CYFIP2: variants seen among roughly 807,000 people sequenced by gnomAD.
The protein encoded by CYFIP2 is cytoplasmic FMR1 interacting protein 2, also known as cytoplasmic FMR1-interacting protein 2.
Under a neutral mutation model 158.7 loss-of-function variants are expected in CYFIP2, and 29 were observed. The ratio of observed to expected loss-of-function variants is 0.18; its 90% CI spans 0.14 to 0.25. The LOEUF (loss-of-function observed/expected upper bound fraction) is 0.25. CYFIP2 is among the 10% of genes least tolerant of loss of function. The probability of loss-of-function intolerance (pLI) is 1.00; values close to 1 mark genes in which losing one functional copy is unlikely to be tolerated. For missense variants in CYFIP2, 852 were observed against 1,639.5 expected, an observed-to-expected ratio of 0.52 and a Z score of 8.29; for synonymous variants, 585 against 617.6, an observed-to-expected ratio of 0.95 and a Z score of 0.78.
At chr5:157,310,903 C>T (rs1485521207) in intron 10 of CYFIP2, 1 of 433,724 alleles carries the variant, frequency 2.3e-6, no homozygotes, top group Non-Finnish European at 4.7e-6. Flanking sequence ...TGCTGGGTCA[C>T]CAGCACCTGA....
chr5:157,315,131 A>T (rs752622188), intron 13 of CYFIP2, 37 bp downstream of exon 13: 1 of 1,610,610 alleles, frequency 6.2e-7, no homozygotes, highest in East Asian at 2.2e-5. Context: ...TCCCTCCCCA[A>T]GGCTGCAGCT....
chr5:157,377,179 GC>G (rs1405018146), intron 26 of CYFIP2, among the ~76,000 whole-genome samples: 1 of 151,780 alleles, frequency 6.6e-6, no homozygotes, highest in Admixed American at 6.6e-5. Context: ...AGGTGAAACT[GC>G]AGCTTGGCCA....
chr5:157,361,697 G>A lies in CYFIP2; in HGVS notation c.3039+99G>A. 7.0e-7 allele frequency: 1 copy of A among 1,438,134 alleles called. No individual in the cohort carries two copies. The highest frequency in any genetic ancestry group is 9.5e-7 in the Non-Finnish European group (1 of 1,049,174). The allele number at this position is 1,438,134 out of a possible 1,614,324, so 89.1% of individuals were successfully genotyped here. A position where few individuals can be genotyped will look rare whatever the true frequency, so the allele number is the denominator to read the frequency against. On this transcript the variant is annotated intron_variant, in intron 26 of 30. Coordinates refer to ENST00000620254, the MANE Select transcript of CYFIP2 (RefSeq NM_001037333.3). This position sits in a 1 kb window ranked among gnomAD's most constrained non-coding sequence, Gnocchi z 4.4. ...CTCCTGCAGCATTGATTTGTGCTTT[G>A]AGTACAAGCTCACATGCTCTTTTCA...
intron 4 of CYFIP2, among the ~76,000 whole-genome samples, chr5:157,296,023 G>A (rs1011188775): frequency 2.0e-5 from 3 of 152,208 alleles, no homozygotes; most frequent in African/African-American, 4.8e-5. Context: ...GCTGGACCCC[G>A]CTAGAGTGCG....
intron 26 of CYFIP2, among the ~76,000 whole-genome samples, chr5:157,367,364 T>TA (rs1430899357): frequency 6.6e-6 from 1 of 152,122 alleles, no homozygotes; most frequent in Non-Finnish European, 1.5e-5. Flanking sequence ...CTTAGGAGGG[T>TA]AAAACCTCCC....
intron 26 of CYFIP2, among the ~76,000 whole-genome samples, chr5:157,370,814 G>A (rs1764926879): frequency 6.6e-6 from 1 of 152,182 alleles, no homozygotes; most frequent in Admixed American, 6.5e-5. Context: ...ACATGATTCT[G>A]ATCCAGAATA....
intron 8 of CYFIP2, chr5:157,304,634 C>A: frequency 4.0e-6 from 1 of 248,510 alleles, no homozygotes; most frequent in Non-Finnish European, 6.9e-6. Flanking sequence ...TGTAACATAT[C>A]CCCTGTGGTT....
Position 157,320,742 on chromosome 5 carries a change from C to A in CYFIP2, c.1611C>A (p.Asp537Glu). 6.2e-7 allele frequency: 1 copy of A among 1,612,710 alleles called. No individual in the cohort carries two copies. The highest frequency in any genetic ancestry group is 8.5e-7 in the Non-Finnish European group (1 of 1,179,348). ...ACCCATGCTTGAGAGGGGAGAAGGACCCCAAAGGTGGATTTGATATCAAGG... is the reference window on the plus strand; with the variant it reads ...ACCCATGCTTGAGAGGGGAGAAGGAACCCAAAGGTGGATTTGATATCAAGG... ...PNDPCLRGEK[D>E]PKGGFDIKVP... The change falls in exon 15 of 31, where the codon GAC becomes GAA. Residue 537 changes from aspartate to glutamate, a missense_variant. Transcript: ENST00000620254.
chr5:157,300,945 C>CA, intron 6 of CYFIP2, 49 bp downstream of exon 6: 1 of 1,459,166 alleles, frequency 6.9e-7, no homozygotes, highest in Non-Finnish European at 9.2e-7. Flanking sequence ...GCCCCTCCTC[C>CA]AGGGCTGCCT....
intron 6 of CYFIP2, among the ~76,000 whole-genome samples, chr5:157,301,679 A>G (rs1159139124): frequency 6.6e-6 from 1 of 152,198 alleles, no homozygotes; most frequent in Admixed American, 6.5e-5. Context: ...CTATAATCCT[A>G]GCACTTTGGG....
chr5:157,303,258 CT>C (rs1758928721), intron 7 of CYFIP2: 2 of 198,258 alleles, frequency 1.0e-5, no homozygotes, highest in East Asian at 2.7e-4. Flanking sequence ...TAAAATGGGT[CT>C]GTTATTTTGA....
At chr5:157,267,373 G>T (rs559483405) in intron 1 of CYFIP2, among the ~76,000 whole-genome samples, 1 of 152,332 alleles carries the variant, frequency 6.6e-6, no homozygotes, top group South Asian at 2.1e-4. Context: ...CCCAGTTAGG[G>T]CAGTGGGTCT....
intron 1 of CYFIP2, among the ~76,000 whole-genome samples, chr5:157,277,428 A>G (rs1756652022): frequency 1.3e-5 from 2 of 152,214 alleles, no homozygotes; most frequent in Non-Finnish European, 2.9e-5. Context: ...TGGAAAAACT[A>G]GAAGTAAGGA....
chr5:157,297,906 C>T (rs143183414), intron 5 of CYFIP2, among the ~76,000 whole-genome samples: 4 of 152,326 alleles, frequency 2.6e-5, no homozygotes, highest in African/African-American at 7.2e-5. Context: ...AGAGTGGCCA[C>T]GTGTGATGGT....
rs1443507484 is a variant in CYFIP2, at chr5:157,300,730, C to T, written c.403C>T (p.Arg135Trp). The T allele has an allele frequency of 1.2e-6, 2 of 1,600,586 alleles. No homozygotes were observed. The highest frequency in any genetic ancestry group is 1.7e-6 in the Non-Finnish European group (2 of 1,172,536). The change falls in exon 6 of 31, where the codon CGG becomes TGG. Residue 135 changes from arginine to tryptophan, a missense_variant. Physicochemically the swap from Arg to Trp is moderately radical, Grantham distance 101 (BLOSUM62 -3). Transcript: ENST00000620254. Reference sequence around the variant, plus strand: ...CTGCCCCCAGCGCAAGGCCATCGAGCGGTTCTGCAGCGAGGTGAAGCGGCT... The same window carrying T: ...CTGCCCCCAGCGCAAGGCCATCGAGTGGTTCTGCAGCGAGGTGAAGCGGCT... ...FMYFQRKAIE[R>W]FCSEVKRLCH...
At position 157,311,620 on chromosome 5, in the gene CYFIP2, G is replaced by A. The variant is rs533425378; in HGVS notation, c.993-44G>A. ...CAGCTAATGCCTGTTCCACCCAGGCGCCTGAGGCTGGGACCCTCTCCGACC... is the reference window on the plus strand; with the variant it reads ...CAGCTAATGCCTGTTCCACCCAGGCACCTGAGGCTGGGACCCTCTCCGACC... On this transcript the variant is annotated intron_variant, in intron 10 of 30. Transcript: ENST00000620254. This position sits in a 1 kb window ranked among gnomAD's most constrained non-coding sequence, Gnocchi z 4.7. 20 of 1,538,558 alleles carry A rather than the reference G, an allele frequency of 1.3e-5. No homozygotes were observed. The highest frequency in any genetic ancestry group is 6.8e-5 in the African/African-American group (5 of 73,104).
At chr5:157,331,426 C>A (rs1465868612) in intron 20 of CYFIP2, among the ~76,000 whole-genome samples, 1 of 150,380 alleles carries the variant, frequency 6.6e-6, no homozygotes, top group Non-Finnish European at 1.5e-5. Flanking sequence ...CCTCCTACAG[C>A]CCTGCTGTTG....
chr5:157,280,559 A>G (rs1352533157), intron 1 of CYFIP2, among the ~76,000 whole-genome samples: 1 of 152,100 alleles, frequency 6.6e-6, no homozygotes, highest in Non-Finnish European at 1.5e-5. Context: ...GTAGCCCAGA[A>G]GAAACCTAGT....
chr5:157,341,984 T>C (rs1452879457), intron 23 of CYFIP2: 1 of 152,526 alleles, frequency 6.6e-6, no homozygotes, highest in Non-Finnish European at 1.5e-5. Flanking sequence ...ACTTCCCTTT[T>C]CGATTCTCTT....
Sources: allele counts gnomAD v4.1 joint callset (sites outside exome capture counted in the v4.1 genomes callset), GRCh38; gene constraint gnomAD v4.1.1; non-coding constraint Gnocchi (gnomAD v3.1); transcripts MANE v1.5; gene names NCBI Gene and HGNC (gene_info 2026-07-23, HGNC 2026-07-21).